The following VAV3 variants were observed in gnomAD, a reference collection of about 807,000 sequenced individuals.
VAV3 encodes the protein guanine nucleotide exchange factor VAV3.
In VAV3, 94 loss-of-function variants were observed where a neutral mutation model predicts 131.2. The observed-to-expected ratio is 0.72, with a 90% CI of 0.61 to 0.85. The LOEUF (loss-of-function observed/expected upper bound fraction) is 0.85. VAV3 is among the 40% of genes least tolerant of loss of function. The pLI is 0.00. For missense variants in VAV3, 939 were observed against 1,002.7 expected, an observed-to-expected ratio of 0.94 and a Z score of 0.86; for synonymous variants, 349 against 342.0, an observed-to-expected ratio of 1.02 and a Z score of -0.22.
chr1:107,615,779 G>A (rs1254387000), intron 21 of VAV3, among the ~76,000 whole-genome samples: 1 of 151,908 alleles, frequency 6.6e-6, no homozygotes, highest in Non-Finnish European at 1.5e-5. Flanking sequence ...TTAAAAAGTG[G>A]GCAAATAACA....
At chr1:107,879,067 A>G (rs1305644590) in intron 1 of VAV3, among the ~76,000 whole-genome samples, 2 of 152,014 alleles carry the variant, frequency 1.3e-5, no homozygotes, top group African/African-American at 4.8e-5. Flanking sequence ...ACGTTTGGCC[A>G]CTGGGAGTCC....
chr1:107,732,290 G>A (rs112210620), intron 15 of VAV3, among the ~76,000 whole-genome samples: 14 of 152,208 alleles, frequency 9.2e-5, no homozygotes, highest in South Asian at 2.1e-4. Flanking sequence ...AGCTCCCAGC[G>A]TGACTGACGC....
chr1:107,634,833 A>C (rs1654788252), intron 20 of VAV3, among the ~76,000 whole-genome samples: 1 of 152,162 alleles, frequency 6.6e-6, no homozygotes, highest in African/African-American at 2.4e-5. Context: ...GACACTTCTC[A>C]AAAGACATTT....
chr1:107,576,530 A>T, intron 25 of VAV3: 1 of 1,397,724 alleles, frequency 7.2e-7, no homozygotes, highest in Admixed American at 2.8e-5. Flanking sequence ...TATTGGCAAA[A>T]ATATCTCAAC....
intron 1 of VAV3, among the ~76,000 whole-genome samples, chr1:107,934,939 A>G (rs1482451123): frequency 6.6e-6 from 1 of 152,224 alleles, no homozygotes; most frequent in Non-Finnish European, 1.5e-5. Flanking sequence ...CTTTGAGGAG[A>G]AGAGTTGGTA....
At chr1:107,892,715 A>C (rs1404585649) in intron 1 of VAV3, among the ~76,000 whole-genome samples, 1 of 152,166 alleles carries the variant, frequency 6.6e-6, no homozygotes, top group Non-Finnish European at 1.5e-5. Flanking sequence ...GACATTCTAA[A>C]ATTATTTTGT....
chr1:107,898,014 A>C (rs1488100929), intron 1 of VAV3, among the ~76,000 whole-genome samples: 1 of 152,142 alleles, frequency 6.6e-6, no homozygotes, highest in East Asian at 1.9e-4. Context: ...CTAACTTGAA[A>C]ACTATTAGGT....
At position 107,868,747 on chromosome 1, in the gene VAV3, G is replaced by A. The variant is rs138328024; in HGVS notation, c.321+6154C>T. 4.9e-3 allele frequency among the ~76,000 whole-genome samples: 746 copies of A among 152,136 alleles called. 9 individuals carry two copies. The highest frequency in any genetic ancestry group is 0.017 in the African/African-American group (711 of 41,494). On this transcript the variant is annotated intron_variant, in intron 2 of 26. Coordinates refer to ENST00000370056, the MANE Select transcript of VAV3 (RefSeq NM_006113.5). The stretch of plus-strand genomic sequence containing the variant: ...TGGTCTCCAAATTGCTTGGAACTTC[G>A]GTAATAAAGATTAACACATCTACAA...
At chr1:107,855,485 C>T (rs1669426614) in intron 2 of VAV3, among the ~76,000 whole-genome samples, 1 of 151,966 alleles carries the variant, frequency 6.6e-6, no homozygotes, top group African/African-American at 2.4e-5. Flanking sequence ...GCCATGTTGC[C>T]CAGGCTGGTC....
intron 9 of VAV3, among the ~76,000 whole-genome samples, chr1:107,761,781 C>A (rs1570913773): frequency 6.6e-6 from 1 of 152,042 alleles, no homozygotes; most frequent in East Asian, 1.9e-4. Flanking sequence ...GTGCTGTATG[C>A]CCCTAAGAAT....
Position 107,776,358 on chromosome 1 carries a change from C to G in VAV3, c.446+873G>C, listed in dbSNP as rs1372045740. 1.3e-5 allele frequency among the ~76,000 whole-genome samples: 2 copies of G among 152,116 alleles called. 1 individual carries two copies. Among genetic ancestry groups the G allele is most frequent in the Admixed American group, 1.3e-4 (2 of 15,266 alleles). On this transcript the variant is annotated intron_variant, in intron 4 of 26. Coordinates refer to ENST00000370056, the MANE Select transcript of VAV3 (RefSeq NM_006113.5). ...GAGACAAACAATAAATGAAGCAAAC[C>G]AAGACTGTCTCAGGCATTGGCAAAT...
Position 107,623,526 on chromosome 1 carries a change from C to T in VAV3, c.1915-5894G>A, listed in dbSNP as rs745619201. ...GACTCTCATATCACTTTCACCTGAA[C>T]GGGAACTATTATATTCCTGACAGTC... On this transcript the variant is annotated intron_variant, in intron 20 of 26. Coordinates refer to ENST00000370056, the MANE Select transcript of VAV3 (RefSeq NM_006113.5). Among the ~76,000 whole-genome samples the T allele has an allele frequency of 7.2e-5, 11 of 152,278 alleles. No homozygotes were observed. The East Asian group carries it at 1.9e-3, about 27-fold the overall frequency.
At chr1:107,895,913 A>G (rs973893818) in intron 1 of VAV3, among the ~76,000 whole-genome samples, 6 of 152,200 alleles carry the variant, frequency 3.9e-5, no homozygotes, top group African/African-American at 1.2e-4. Context: ...TACCCCTGAA[A>G]CAATTCAGCA....
At position 107,825,936 on chromosome 1, in the gene VAV3, A is replaced by G. The variant is rs540525425; in HGVS notation, c.322-46444T>C. ...TACTATATTGTAAATCCCTATCTAT[A>G]CAGTTAGGTTATAGGCAACCTGGAG... On this transcript the variant is annotated intron_variant, in intron 2 of 26. Transcript: ENST00000370056. Among the ~76,000 whole-genome samples, 113 of 152,286 alleles carry G rather than the reference A, an allele frequency of 7.4e-4. 1 individual carries two copies. The highest frequency in any genetic ancestry group is 2.7e-3 in the African/African-American group (112 of 41,560).
At chr1:107,895,072 T>A (rs1229150344) in intron 1 of VAV3, among the ~76,000 whole-genome samples, 1 of 151,242 alleles carries the variant, frequency 6.6e-6, no homozygotes, top group Non-Finnish European at 1.5e-5. Context: ...TGAGGAGAAA[T>A]CAAGAGGAAG....
intron 4 of VAV3, among the ~76,000 whole-genome samples, chr1:107,776,826 C>T (rs927677385): frequency 6.6e-6 from 1 of 152,120 alleles, no homozygotes; most frequent in Non-Finnish European, 1.5e-5. Context: ...GAACAAACAC[C>T]GCCTACTAAA....
chr1:107,712,359 T>A (rs1284941082), intron 15 of VAV3, among the ~76,000 whole-genome samples: 1 of 152,204 alleles, frequency 6.6e-6, no homozygotes, highest in Non-Finnish European at 1.5e-5. Context: ...GTGATTTTTT[T>A]AAAGCTCATC....
chr1:107,801,034 T>A (rs993009316), intron 2 of VAV3, among the ~76,000 whole-genome samples: 2 of 152,160 alleles, frequency 1.3e-5, no homozygotes, highest in Non-Finnish European at 2.9e-5. Context: ...CTTCTACATA[T>A]GGTTATCCAG....
rs781361012 is a variant in VAV3, at chr1:107,857,077, T to G, written c.321+17824A>C. ...TGATTGGATTGAAGGATGCAAAGTT[T>G]TCCTCATGGGTGTGTCTGTGAGGGT... is the stretch of plus-strand genomic sequence containing the variant. On this transcript the variant is annotated intron_variant, in intron 2 of 26. Coordinates refer to ENST00000370056, the MANE Select transcript of VAV3 (RefSeq NM_006113.5). Among the ~76,000 whole-genome samples the G allele has an allele frequency of 1.3e-5, 2 of 152,232 alleles. 1 individual carries two copies. Among genetic ancestry groups the G allele is most frequent in the South Asian group, 4.1e-4 (2 of 4,822 alleles).
Sources: gnomAD v4.1 joint callset for allele counts (sites outside exome capture counted in the v4.1 genomes callset) on GRCh38, gnomAD v4.1.1 for gene constraint, MANE v1.5 for transcripts, NCBI Gene and HGNC (gene_info 2026-07-23, HGNC 2026-07-21) for gene names.